The following MED12L variants were observed in gnomAD, a reference collection of about 807,000 sequenced individuals.
MED12L encodes mediator complex subunit 12L.
Under a neutral mutation model 281.3 loss-of-function variants are expected in MED12L, and 60 were observed. The ratio of observed to expected loss-of-function variants is 0.21; its 90% CI spans 0.17 to 0.26. MED12L has a LOEUF of 0.26. MED12L is among the 10% of genes least tolerant of loss of function. The pLI is 1.00. For synonymous variants in MED12L, 974 were observed against 987.2 expected, an observed-to-expected ratio of 0.99 and a Z score of 0.25; for missense variants, 2,146 against 2,680.9, an observed-to-expected ratio of 0.80 and a Z score of 4.41.
In MED12L at chr3:151,201,283, A is replaced by G. The variant is rs560980584; in HGVS notation, c.2250+7617A>G. On this transcript the variant is annotated intron_variant, in intron 16 of 44. Transcript: ENST00000687756. ...TAAAAACAAAACCTAGGCCCATCCAATAAGTTTAAACCAACTTTGCTCTCA... is the reference window on the plus strand; with the variant it reads ...TAAAAACAAAACCTAGGCCCATCCAGTAAGTTTAAACCAACTTTGCTCTCA... Among the ~76,000 whole-genome samples the G allele has an allele frequency of 5.9e-5, 9 of 152,264 alleles. No individual in the cohort carries two copies. The South Asian group carries it at 1.2e-3, about 21-fold the overall frequency.
chr3:151,312,268 T>C (rs1577305241), intron 16 of MED12L, among the ~76,000 whole-genome samples: 3 of 152,252 alleles, frequency 2.0e-5, no homozygotes, highest in East Asian at 3.9e-4. Flanking sequence ...GCAACAGATA[T>C]TTATGCATTG....
intron 16 of MED12L, among the ~76,000 whole-genome samples, chr3:151,306,019 A>G (rs932902104): frequency 3.9e-5 from 6 of 152,128 alleles, no homozygotes; most frequent in African/African-American, 1.4e-4. Context: ...ATACGCGTTG[A>G]CATCCCTGGG....
chr3:151,353,186 A>G (rs1165942777), intron 17 of MED12L, among the ~76,000 whole-genome samples: 1 of 152,146 alleles, frequency 6.6e-6, no homozygotes, highest in Non-Finnish European at 1.5e-5. Context: ...GTCTGTTGTT[A>G]TTATTTGTTT....
chr3:151,198,576 G>A lies in MED12L; in HGVS notation c.2250+4910G>A, dbSNP rs764956716. 6.2e-6 allele frequency: 10 copies of A among 1,613,954 alleles called. No homozygotes were observed. The African/African-American group carries it at 1.1e-4, about 17-fold the overall frequency. On this transcript the variant is annotated intron_variant, in intron 16 of 44. Coordinates refer to ENST00000687756, the MANE Select transcript of MED12L (RefSeq NM_001393769.1). ...CACAGGTTCGACACAGCCAGGAGCAGTGTAGCCTCTTTGGCTTTGAAGAGT... is the reference window on the plus strand; with the variant it reads ...CACAGGTTCGACACAGCCAGGAGCAATGTAGCCTCTTTGGCTTTGAAGAGT...
chr3:151,170,720 A>G (rs951453913), intron 11 of MED12L, among the ~76,000 whole-genome samples: 1 of 152,186 alleles, frequency 6.6e-6, no homozygotes, highest in Admixed American at 6.5e-5. Flanking sequence ...TCCTTATTCT[A>G]GATCTGTGCT....
rs549864983 is a variant in MED12L, at chr3:151,385,002, A to ACT, written c.4927-13_4927-12dup. ...CATTGTAATTTCTGTCCCACTTCTC[A>ACT]CTCTCTCTCTCTCTCTTTTTTCTTT... On this transcript the variant is annotated intron_variant, in intron 35 of 44. Transcript: ENST00000687756. The ACT allele has an allele frequency of 8.1e-3, 9,308 of 1,149,440 alleles. 26 individuals carry two copies. The highest frequency in any genetic ancestry group is 0.021 in the South Asian group (1,611 of 76,202). The allele number at this position is 1,149,440 out of a possible 1,614,324, so 71.2% of individuals were successfully genotyped here.
At chr3:151,386,307 A>G (rs1027799366) in intron 36 of MED12L, among the ~76,000 whole-genome samples, 15 of 152,242 alleles carry the variant, frequency 9.9e-5, no homozygotes, top group Non-Finnish European at 1.0e-4. Context: ...ACACCAAGGA[A>G]AAAGTTCTCA....
At chr3:151,385,322 C>T (rs986778302) in intron 36 of MED12L, 131 bp downstream of exon 36, 1 of 545,566 alleles carries the variant, frequency 1.8e-6, no homozygotes, top group African/African-American at 2.0e-5. Context: ...TGCTTGTCTT[C>T]TAAGTGTACT....
intron 16 of MED12L, among the ~76,000 whole-genome samples, chr3:151,343,878 T>G (rs930377114): frequency 2.6e-5 from 4 of 152,196 alleles, no homozygotes; most frequent in East Asian, 3.8e-4. Flanking sequence ...GAGATATAAT[T>G]ATGACATTTG....
intron 16 of MED12L, among the ~76,000 whole-genome samples, chr3:151,218,866 C>CAAAAAAAAAA (rs397686351): frequency 1.4e-5 from 1 of 71,334 alleles, no homozygotes; most frequent in East Asian, 4.2e-4. Flanking sequence ...GACTCAGTCT[C>CAAAAAAAAAA]AAAAAAAAAA....
intron 5 of MED12L, among the ~76,000 whole-genome samples, chr3:151,135,461 C>T (rs1003851189): frequency 1.3e-5 from 2 of 152,238 alleles, no homozygotes; most frequent in Admixed American, 1.3e-4. Context: ...ATTGATTATC[C>T]TGTGTTACTC....
At position 151,357,410 on chromosome 3, in the gene MED12L, A is replaced by G. The variant is rs770237030; in HGVS notation, c.2825+34A>G. On this transcript the variant is annotated intron_variant, in intron 20 of 44. Transcript: ENST00000687756. ...ATAGCATGTCATTGTTGTTTTTCCA[A>G]TCTCAGAATGTATAACTAGTGATGA... 2 of 1,531,016 alleles carry G rather than the reference A, an allele frequency of 1.3e-6. 1 individual carries two copies. The highest frequency in any genetic ancestry group is 2.5e-5 in the South Asian group (2 of 79,648). 94.8% of individuals were successfully genotyped at this position (1,531,016 alleles called of 1,614,324 possible).
chr3:151,102,784 C>T (rs1204452062), intron 2 of MED12L, among the ~76,000 whole-genome samples: 1 of 152,120 alleles, frequency 6.6e-6, no homozygotes, highest in Non-Finnish European at 1.5e-5. Flanking sequence ...TGTTATTTTT[C>T]ATGAATTTGC....
intron 16 of MED12L, among the ~76,000 whole-genome samples, chr3:151,329,716 C>T (rs1236289670): frequency 2.6e-5 from 4 of 152,140 alleles, no homozygotes; most frequent in African/African-American, 7.2e-5. Flanking sequence ...AATAAAGAAG[C>T]TTATTTGCAA....
At chr3:151,425,495 G>C in intron 43 of MED12L, 1 of 386,174 alleles carries the variant, frequency 2.6e-6, no homozygotes, top group African/African-American at 2.1e-5. Context: ...CAGACTCTTA[G>C]GCTCAAGTGA....
Position 151,387,826 on chromosome 3 carries a change from C to T in MED12L, c.5105C>T (p.Thr1702Met), listed in dbSNP as rs111399596. Residue 1702 changes from threonine to methionine, a missense_variant, in exon 37 of 45, where the codon ACG (threonine) becomes ATG (methionine). Physicochemically the swap from Thr to Met is moderately conservative, Grantham distance 81. Around this residue, in one of 9 missense-constraint regions of MED12L, gnomAD observed 212 missense variants for 340.8 expected, o/e 0.62. Transcript: ENST00000687756. ...TTCCCACAGGGTCTCCAGGTCTCTA[C>T]GAAGCAGAAGGTGTCCCCGTGGGAC... ...IDKKQGLQVS[T>M]KQKVSPWDLF... 31 of 1,612,844 alleles carry T rather than the reference C, an allele frequency of 1.9e-5. No homozygotes were observed. Among genetic ancestry groups the T allele is most frequent in the South Asian group, 5.5e-5 (5 of 90,974 alleles).
chr3:151,240,435 C>T (rs1433402096), intron 16 of MED12L, among the ~76,000 whole-genome samples: 1 of 152,206 alleles, frequency 6.6e-6, no homozygotes, highest in South Asian at 2.1e-4. Context: ...TGAATAGCTG[C>T]TGCGTGCCAG....
Position 151,436,231 on chromosome 3 carries a change from AT to A in MED12L, c.*3428del, listed in dbSNP as rs1720182892. On this transcript the variant is annotated 3_prime_UTR_variant, in exon 45 of 45. Coordinates refer to ENST00000687756, the MANE Select transcript of MED12L (RefSeq NM_001393769.1). ...TCTGTAGGTTTTAGCAAAAAAATTT[AT>A]AAACCACAAAATATTTATACATCAG... The A allele has an allele frequency of 6.5e-6, 1 of 153,748 alleles. No individual in the cohort carries two copies. The highest frequency in any genetic ancestry group is 2.4e-5 in the African/African-American group (1 of 41,424). 9.5% of individuals were successfully genotyped at this position (153,748 alleles called of 1,614,324 possible).
intron 16 of MED12L, among the ~76,000 whole-genome samples, chr3:151,296,323 A>G (rs1045971922): frequency 2.0e-5 from 3 of 152,142 alleles, no homozygotes; most frequent in South Asian, 2.1e-4. Flanking sequence ...AGCCATGGAC[A>G]TGGGCCTCTC....
Sources: allele counts gnomAD v4.1 joint callset (sites outside exome capture counted in the v4.1 genomes callset), GRCh38; gene constraint gnomAD v4.1.1; regional missense constraint gnomAD v4.1.1; transcripts MANE v1.5; gene names NCBI Gene and HGNC (gene_info 2026-07-23, HGNC 2026-07-21).